Variants in KCNIP4 observed in about 807,000 individuals in gnomAD.
The protein encoded by KCNIP4 is Kv channel-interacting protein 4.
KCNIP4 carries 12 observed loss-of-function variants against 34.0 expected under a neutral mutation model. That is an observed-to-expected ratio of 0.35 (90% CI 0.23 to 0.57). The LOEUF (loss-of-function observed/expected upper bound fraction) is 0.57. KCNIP4 is among the 20% of genes least tolerant of loss of function. KCNIP4 has a pLI of 0.83. For synonymous variants in KCNIP4, 124 were observed against 102.2 expected, an observed-to-expected ratio of 1.21 and a Z score of -1.29; for missense variants, 238 against 311.7, an observed-to-expected ratio of 0.76 and a Z score of 1.78.
At chr4:21,584,377 C>A (rs1045007503) in intron 1 of KCNIP4, among the ~76,000 whole-genome samples, 4 of 151,958 alleles carry the variant, frequency 2.6e-5, no homozygotes, top group Non-Finnish European at 5.9e-5. Context: ...AATTATAGTA[C>A]AAATTTACCA....
At chr4:20,796,799 A>C (rs1713533145) in intron 3 of KCNIP4, among the ~76,000 whole-genome samples, 1 of 152,226 alleles carries the variant, frequency 6.6e-6, no homozygotes, top group African/African-American at 2.4e-5. Flanking sequence ...ATAGATGGAA[A>C]AAAACAGATT....
intron 3 of KCNIP4, among the ~76,000 whole-genome samples, chr4:20,759,269 A>C (rs554734683): frequency 6.6e-6 from 1 of 152,182 alleles, no homozygotes; most frequent in Admixed American, 6.6e-5. Flanking sequence ...TGTCCTTTCA[A>C]GGTTTTCTGA....
chr4:21,712,629 C>T (rs1006842885), intron 1 of KCNIP4, among the ~76,000 whole-genome samples: 11 of 152,162 alleles, frequency 7.2e-5, no homozygotes. Context: ...ACACCTTTCT[C>T]CTGAGACAGT....
Position 21,626,736 on chromosome 4 carries a change from C to A in KCNIP4, c.61+321835G>T, listed in dbSNP as rs371359935. 1.3e-3 allele frequency among the ~76,000 whole-genome samples: 198 copies of A among 152,158 alleles called. 7 individuals are homozygous for A. In the South Asian group the frequency reaches 0.035, roughly 27 times the overall value. On this transcript the variant is annotated intron_variant, in intron 1 of 8. Transcript: ENST00000382152. ...TCTTGAGTCCCCAAGATGTCCAATCCCTAAAGGAACTAGTATGTAAATAAT... is the reference window on the plus strand; with the variant it reads ...TCTTGAGTCCCCAAGATGTCCAATCACTAAAGGAACTAGTATGTAAATAAT...
At chr4:21,129,068 T>C (rs895340929) in intron 1 of KCNIP4, among the ~76,000 whole-genome samples, 3 of 152,174 alleles carry the variant, frequency 2.0e-5, no homozygotes, top group East Asian at 1.9e-4. Flanking sequence ...CAGGTGGAGA[T>C]AACTGAATCA....
intron 1 of KCNIP4, among the ~76,000 whole-genome samples, chr4:21,762,667 G>A (rs999147403): frequency 4.6e-5 from 7 of 152,078 alleles, no homozygotes; most frequent in African/African-American, 1.7e-4. Flanking sequence ...TTATTCTTTA[G>A]TGTTAAAGCC....
At chr4:21,053,679 ATTAGTT>A (rs1743135882) in intron 1 of KCNIP4, among the ~76,000 whole-genome samples, 1 of 152,224 alleles carries the variant, frequency 6.6e-6, no homozygotes, top group Non-Finnish European at 1.5e-5. Context: ...AGGATACAAG[ATTAGTT>A]TATAAAAGTC....
intron 1 of KCNIP4, among the ~76,000 whole-genome samples, chr4:20,885,266 C>T (rs902852769): frequency 5.4e-5 from 8 of 147,714 alleles, no homozygotes; most frequent in East Asian, 2.0e-4. Flanking sequence ...TATTACCAGC[C>T]GTTATTCTCG....
At chr4:21,509,235 G>A (rs1374571653) in intron 1 of KCNIP4, among the ~76,000 whole-genome samples, 1 of 152,020 alleles carries the variant, frequency 6.6e-6, no homozygotes, top group Non-Finnish European at 1.5e-5. Context: ...TTTTACAGAG[G>A]CCTTTTGCAA....
At chr4:20,953,039 C>A (rs564985534) in intron 1 of KCNIP4, among the ~76,000 whole-genome samples, 3 of 152,350 alleles carry the variant, frequency 2.0e-5, no homozygotes, top group African/African-American at 7.2e-5. Context: ...AAAGCCCTTA[C>A]CTCTTAATAC....
intron 1 of KCNIP4, among the ~76,000 whole-genome samples, chr4:20,885,739 A>G (rs1725230720): frequency 6.6e-6 from 1 of 152,234 alleles, no homozygotes; most frequent in Admixed American, 6.5e-5. Flanking sequence ...GAAATAATAT[A>G]TAAAGCACTT....
intron 3 of KCNIP4, among the ~76,000 whole-genome samples, chr4:20,770,671 C>T (rs899474114): frequency 2.0e-5 from 3 of 152,054 alleles, no homozygotes; most frequent in East Asian, 3.9e-4. Flanking sequence ...CAGTGGCTCG[C>T]GCCTGTAATC....
intron 1 of KCNIP4, among the ~76,000 whole-genome samples, chr4:21,371,376 T>C (rs575478777): frequency 2.1e-5 from 3 of 146,196 alleles, no homozygotes; most frequent in Non-Finnish European, 1.5e-5. Flanking sequence ...GGGGAACCAG[T>C]TGAAGATGTG....
intron 1 of KCNIP4, among the ~76,000 whole-genome samples, chr4:21,321,792 A>AGGAG (rs1230278490): frequency 3.9e-4 from 56 of 141,802 alleles, no homozygotes; most frequent in African/African-American, 1.4e-3. Context: ...AGAGGAAGGA[A>AGGAG]GGAGGGAGGG....
intron 1 of KCNIP4, among the ~76,000 whole-genome samples, chr4:21,293,161 T>C (rs940661688): frequency 2.0e-5 from 3 of 152,214 alleles, no homozygotes; most frequent in Non-Finnish European, 4.4e-5. Flanking sequence ...GCTTCTTACA[T>C]TGTATCTAAT....
chr4:20,831,710 C>A (rs941611921), intron 3 of KCNIP4, among the ~76,000 whole-genome samples: 1 of 152,088 alleles, frequency 6.6e-6, no homozygotes. Flanking sequence ...AATAGGCTTG[C>A]CTTCCATGAG....
intron 1 of KCNIP4, among the ~76,000 whole-genome samples, chr4:20,894,422 T>C (rs1726280802): frequency 6.6e-6 from 1 of 152,214 alleles, no homozygotes; most frequent in African/African-American, 2.4e-5. Flanking sequence ...TATTCTTAGG[T>C]ATTGTCTAGG....
At chr4:21,680,290 G>A (rs1750241639) in intron 1 of KCNIP4, among the ~76,000 whole-genome samples, 2 of 152,138 alleles carry the variant, frequency 1.3e-5, no homozygotes, top group Non-Finnish European at 2.9e-5. Context: ...ATCCATTTAA[G>A]TTTGTTCTTT....
intron 1 of KCNIP4, among the ~76,000 whole-genome samples, chr4:21,246,860 G>C (rs946651544): frequency 6.6e-6 from 1 of 152,122 alleles, no homozygotes; most frequent in Non-Finnish European, 1.5e-5. Flanking sequence ...TTAAAATTCT[G>C]TTCATAAGTG....
Sources: gnomAD v4.1 joint callset for allele counts (sites outside exome capture counted in the v4.1 genomes callset) on GRCh38, gnomAD v4.1.1 for gene constraint, MANE v1.5 for transcripts, NCBI Gene and HGNC (gene_info 2026-07-23, HGNC 2026-07-21) for gene names.